The following DAB1 variants were observed in gnomAD, a reference collection of about 807,000 sequenced individuals.
DAB1 encodes disabled homolog 1.
Under a neutral mutation model 64.6 loss-of-function variants are expected in DAB1, and 15 were observed. The ratio of observed to expected loss-of-function variants is 0.23; its 90% CI spans 0.16 to 0.36. The LOEUF (loss-of-function observed/expected upper bound fraction) is 0.36. DAB1 is among the 10% of genes least tolerant of loss of function. DAB1 has a pLI of 1.00. For missense variants in DAB1, 596 were observed against 706.7 expected, an observed-to-expected ratio of 0.84 and a Z score of 1.78; for synonymous variants, 235 against 251.9, an observed-to-expected ratio of 0.93 and a Z score of 0.64.
intron 4 of DAB1, among the ~76,000 whole-genome samples, chr1:58,198,602 A>G (rs1207065373): frequency 6.6e-6 from 1 of 152,164 alleles, no homozygotes; most frequent in Non-Finnish European, 1.5e-5. Context: ...CTATATTCTC[A>G]GTCATCTATT....
At chr1:58,035,145 C>T (rs778974389) in intron 5 of DAB1, among the ~76,000 whole-genome samples, 3 of 152,140 alleles carry the variant, frequency 2.0e-5, no homozygotes, top group African/African-American at 4.8e-5. Flanking sequence ...CTACAGTGAG[C>T]GACAGAGAGG....
intron 3 of DAB1, among the ~76,000 whole-genome samples, chr1:58,482,514 A>G (rs1411417377): frequency 2.0e-5 from 3 of 152,186 alleles, no homozygotes; most frequent in Non-Finnish European, 1.5e-5. Context: ...TAAAAGAAAG[A>G]CATTTAGGGG....
chr1:58,132,769 G>T (rs1054964843), intron 5 of DAB1, among the ~76,000 whole-genome samples: 1 of 152,164 alleles, frequency 6.6e-6, no homozygotes, highest in African/African-American at 2.4e-5. Context: ...AGGCTCAGAC[G>T]TAGACTCCTG....
At chr1:57,545,474 T>A (rs767025134) in intron 7 of DAB1, among the ~76,000 whole-genome samples, 4 of 152,210 alleles carry the variant, frequency 2.6e-5, no homozygotes, top group Non-Finnish European at 5.9e-5. Context: ...AGAAGTTCCA[T>A]GTGCTGGGAA....
At chr1:57,059,933 G>C (rs1371533836) in intron 9 of DAB1, among the ~76,000 whole-genome samples, 1 of 152,088 alleles carries the variant, frequency 6.6e-6, no homozygotes, top group Non-Finnish European at 1.5e-5. Context: ...ATTACCATCA[G>C]TTGGTTCTAG....
At chr1:57,823,714 C>A (rs1198972005), downstream of DAB1, among the ~76,000 whole-genome samples, 1 of 152,140 alleles carries the variant, frequency 6.6e-6, no homozygotes. Context: ...GAAAGTGGCC[C>A]TGACATGAAG....
intron 1 of DAB1, among the ~76,000 whole-genome samples, chr1:57,292,814 T>C (rs1213887940): frequency 3.3e-5 from 5 of 152,032 alleles, no homozygotes; most frequent in East Asian, 1.9e-4. Context: ...GTATCAGTCA[T>C]GTAAGGGACG....
chr1:58,276,310 G>C (rs1661441845), intron 4 of DAB1, among the ~76,000 whole-genome samples: 1 of 151,974 alleles, frequency 6.6e-6, no homozygotes, highest in Non-Finnish European at 1.5e-5. Context: ...TATGTTATGT[G>C]TATTTTATCA....
chr1:58,138,438 G>C (rs1258978008), intron 5 of DAB1, among the ~76,000 whole-genome samples: 1 of 152,200 alleles, frequency 6.6e-6, no homozygotes, highest in East Asian at 1.9e-4. Context: ...TAGGGTTCTA[G>C]AGGTAGAGAG....
intron 2 of DAB1, among the ~76,000 whole-genome samples, chr1:58,513,798 T>TGG (rs1646118665): frequency 6.6e-6 from 1 of 152,218 alleles, no homozygotes; most frequent in Middle Eastern, 3.2e-3. Flanking sequence ...CAACTTCATG[T>TGG]GGTAAGTACT....
chr1:57,069,289 T>G, intron 8 of DAB1, 71 bp downstream of exon 8: 1 of 1,294,088 alleles, frequency 7.7e-7, no homozygotes, highest in Non-Finnish European at 1.1e-6. Context: ...CCCTTGGTTC[T>G]TTAGACTATC....
intron 4 of DAB1, among the ~76,000 whole-genome samples, chr1:57,131,516 C>T (rs942295845): frequency 2.6e-5 from 4 of 152,284 alleles, no homozygotes; most frequent in Admixed American, 6.5e-5. Context: ...CCCAGTGTGA[C>T]GTTCTGCAGC....
At chr1:57,315,085 C>T (rs1675079900) in intron 1 of DAB1, among the ~76,000 whole-genome samples, 1 of 152,146 alleles carries the variant, frequency 6.6e-6, no homozygotes, top group Non-Finnish European at 1.5e-5. Flanking sequence ...CACCACCCCA[C>T]TTCTTCTGTC....
chr1:57,472,584 G>A (rs1034319562), intron 7 of DAB1, among the ~76,000 whole-genome samples: 1 of 152,070 alleles, frequency 6.6e-6, no homozygotes, highest in Admixed American at 6.5e-5. Flanking sequence ...GTTTTGTTCC[G>A]ATCTAATTAC....
chr1:57,762,610 A>C (rs541723799), intron 6 of DAB1, among the ~76,000 whole-genome samples: 1 of 152,324 alleles, frequency 6.6e-6, no homozygotes, highest in African/African-American at 2.4e-5. Flanking sequence ...TTAGATTAAA[A>C]ATATAAATTT....
At chr1:58,033,394 T>G (rs964663801) in intron 5 of DAB1, among the ~76,000 whole-genome samples, 4 of 152,158 alleles carry the variant, frequency 2.6e-5, no homozygotes, top group African/African-American at 9.7e-5. Flanking sequence ...ACCATACAAC[T>G]TCACGGTTCC....
At chr1:57,287,098 G>C (rs902448251) in intron 2 of DAB1, among the ~76,000 whole-genome samples, 1 of 152,118 alleles carries the variant, frequency 6.6e-6, no homozygotes, top group Non-Finnish European at 1.5e-5. Flanking sequence ...TTGTGACAAG[G>C]TCTGGCTCTA....
At chr1:58,001,514 C>T (rs1374753036) in intron 5 of DAB1, among the ~76,000 whole-genome samples, 1 of 152,176 alleles carries the variant, frequency 6.6e-6, no homozygotes, top group Non-Finnish European at 1.5e-5. Flanking sequence ...CCTGCCTCGG[C>T]CTCCCAAGGT....
At chr1:57,482,583 C>T (rs945878412) in intron 7 of DAB1, among the ~76,000 whole-genome samples, 2 of 149,500 alleles carry the variant, frequency 1.3e-5, no homozygotes, top group African/African-American at 4.9e-5. Context: ...AACATTAGGA[C>T]ATGTCTCACT....
Sources: gnomAD v4.1 joint callset for allele counts (sites outside exome capture counted in the v4.1 genomes callset) on GRCh38, gnomAD v4.1.1 for gene constraint, MANE v1.5 for transcripts, NCBI Gene and HGNC (gene_info 2026-07-23, HGNC 2026-07-21) for gene names.